AP1M1: variants seen among roughly 807,000 people sequenced by gnomAD.
The protein encoded by AP1M1 is AP-1 complex subunit mu-1.
Under a neutral mutation model 57.1 loss-of-function variants are expected in AP1M1, and 18 were observed. That is an observed-to-expected ratio of 0.32 (90% CI 0.22 to 0.47). The LOEUF (loss-of-function observed/expected upper bound fraction) is 0.47, where lower values mean the gene tolerates loss of function less well. AP1M1 is among the 20% of genes least tolerant of loss of function. The pLI is 1.00. For synonymous variants in AP1M1, 241 were observed against 237.9 expected (o/e 1.01, Z -0.12); for missense variants, 362 against 593.5 (o/e 0.61, Z 4.05).
chr19:16,229,677 T>C (rs917826275), intron 9 of AP1M1, among the ~76,000 whole-genome samples: 1 of 152,230 alleles, frequency 6.6e-6, no homozygotes, highest in Non-Finnish European at 1.5e-5. Context: ...ATGATGGTAC[T>C]TTCCCTCCCA....
rs2091625412 is a variant in AP1M1, at chr19:16,236,508, ACTTTGGG to A, written c.*2075_*2081del. 1 of 152,172 alleles carries A rather than the reference ACTTTGGG, an allele frequency of 6.6e-6. No individual in the cohort carries two copies. Among genetic ancestry groups the A allele is most frequent in the African/African-American group, 2.4e-5 (1 of 41,430 alleles). The allele number at this position is 152,172 out of a possible 1,614,324, so 9.4% of individuals were successfully genotyped here. Reference sequence around the variant, plus strand: ...GTTTGGGGGCCAGGTGGCAGATAGGACTTTGGGCATCGGGAAGATGGTGAAATGCAGT... The same window carrying A: ...GTTTGGGGGCCAGGTGGCAGATAGGACATCGGGAAGATGGTGAAATGCAGT... On this transcript the variant is annotated 3_prime_UTR_variant, in exon 12 of 12. Coordinates refer to ENST00000291439, the MANE Select transcript of AP1M1 (RefSeq NM_032493.4).
At chr19:16,232,143 T>C (rs575593885) in intron 9 of AP1M1, among the ~76,000 whole-genome samples, 1 of 152,364 alleles carries the variant, frequency 6.6e-6, no homozygotes, top group South Asian at 2.1e-4. Context: ...GCCTCTAGGA[T>C]TGTGGCCTGT....
Position 16,242,538 on chromosome 19 carries a change from A to G in AP1M1, c.*8103A>G, listed in dbSNP as rs1203060963. 6.6e-6 allele frequency: 1 copy of G among 152,222 alleles called. No homozygotes were observed. Among genetic ancestry groups the G allele is most frequent in the Non-Finnish European group, 1.5e-5 (1 of 68,052 alleles). The allele number at this position is 152,222 out of a possible 1,614,324, so 9.4% of individuals were successfully genotyped here. A position where few individuals can be genotyped will look rare whatever the true frequency, so the allele number is the denominator to read the frequency against. On this transcript the variant is annotated 3_prime_UTR_variant, in exon 12 of 12. Transcript: ENST00000291439. The stretch of plus-strand genomic sequence containing the variant: ...GCTAGTTGAAGATGTTGTCGGATTG[A>G]ACTGAAATACAAAATCCTGTGATAT...
Position 16,228,312 on chromosome 19 carries a change from C to T in AP1M1, c.888+104C>T. ...TGCCGTAGGGCTGCCATCCGTGCAC[C>T]CTCACTGTGGCCTCAGATGCAGGAG... On this transcript the variant is annotated intron_variant, in intron 8 of 11. Coordinates refer to ENST00000291439, the MANE Select transcript of AP1M1 (RefSeq NM_032493.4). This position sits in a 1 kb window ranked among gnomAD's most constrained non-coding sequence, Gnocchi z 5.0. The T allele has an allele frequency of 8.4e-7, 1 of 1,192,598 alleles. No individual in the cohort carries two copies. The highest frequency in any genetic ancestry group is 1.2e-6 in the Non-Finnish European group (1 of 828,596). 73.9% of individuals were successfully genotyped at this position (1,192,598 alleles called of 1,614,324 possible). A position where few individuals can be genotyped will look rare whatever the true frequency, so the allele number is the denominator to read the frequency against.
At chr19:16,211,759 CAAA>C (rs2091495136) in intron 5 of AP1M1, among the ~76,000 whole-genome samples, 1 of 151,600 alleles carries the variant, frequency 6.6e-6, no homozygotes, top group African/African-American at 2.4e-5. Flanking sequence ...CAAAAAAAAA[CAAA>C]AAACAAAACC....
At chr19:16,216,822 C>G (rs1437502925) in intron 5 of AP1M1, among the ~76,000 whole-genome samples, 1 of 152,230 alleles carries the variant, frequency 6.6e-6, no homozygotes, top group African/African-American at 2.4e-5. Context: ...GGCCAAGCTG[C>G]TCCCAGACAG....
At position 16,239,499 on chromosome 19, in the gene AP1M1, G is replaced by A. The variant is rs2091637622; in HGVS notation, c.*5064G>A. ...ATGTAGTCATAGGAATTAACAACTT[G>A]GGGCCGGGCATGGTGGCTCACGCCT... On this transcript the variant is annotated 3_prime_UTR_variant, in exon 12 of 12. Coordinates refer to ENST00000291439, the MANE Select transcript of AP1M1 (RefSeq NM_032493.4). 1.3e-5 allele frequency: 2 copies of A among 151,610 alleles called. No homozygotes were observed. Among genetic ancestry groups the A allele is most frequent in the South Asian group, 4.2e-4 (2 of 4,816 alleles). 9.4% of individuals were successfully genotyped at this position (151,610 alleles called of 1,614,324 possible).
chr19:16,210,711 C>T (rs1365533278), intron 5 of AP1M1, among the ~76,000 whole-genome samples: 2 of 152,100 alleles, frequency 1.3e-5, no homozygotes, highest in South Asian at 2.1e-4. Flanking sequence ...AGGCACCCAC[C>T]ACCAGGCCTG....
chr19:16,203,772 A>G lies in AP1M1; in HGVS notation c.199+157A>G, dbSNP rs1387959733. Among the ~76,000 whole-genome samples, 1 of 152,206 alleles carries G rather than the reference A, an allele frequency of 6.6e-6. No homozygotes were observed. The highest frequency in any genetic ancestry group is 2.4e-5 in the African/African-American group (1 of 41,454). On this transcript the variant is annotated intron_variant, in intron 2 of 11. Coordinates refer to ENST00000291439, the MANE Select transcript of AP1M1 (RefSeq NM_032493.4). This position sits in a 1 kb window ranked among gnomAD's most constrained non-coding sequence, Gnocchi z 4.6. ...CTCCCTGCTGCCTGCGGAGACAGGC[A>G]GACAATGCACGATGACATGTGTGAT...
intron 1 of AP1M1, among the ~76,000 whole-genome samples, chr19:16,198,762 G>A (rs1227230954): frequency 6.6e-6 from 1 of 152,036 alleles, no homozygotes; most frequent in African/African-American, 2.4e-5. Flanking sequence ...GCCGGGCAGG[G>A]TACTAAGCCT....
At chr19:16,217,708 G>T (rs919475630) in intron 5 of AP1M1, among the ~76,000 whole-genome samples, 4 of 152,192 alleles carry the variant, frequency 2.6e-5, no homozygotes, top group Admixed American at 6.5e-5. Context: ...ACCCTGGAGA[G>T]TTCAGGTCTG....
intron 2 of AP1M1, among the ~76,000 whole-genome samples, chr19:16,205,944 T>G (rs1019746636): frequency 2.0e-5 from 3 of 152,180 alleles, no homozygotes; most frequent in African/African-American, 7.2e-5. Context: ...CGGGGGACCC[T>G]GGACCTCAGC....
At chr19:16,201,456 TGGCACAATCTC>T (rs56168753) in intron 1 of AP1M1, among the ~76,000 whole-genome samples, 94,845 of 137,272 alleles carry the variant, frequency 0.69, 34,161 homozygotes, top group Non-Finnish European at 0.8. Context: ...TGGAGTGCAA[TGGCACAATCTC>T]GGCTCACTGC....
intron 5 of AP1M1, among the ~76,000 whole-genome samples, chr19:16,215,708 G>A (rs1001572720): frequency 2.0e-5 from 3 of 151,984 alleles, no homozygotes; most frequent in Non-Finnish European, 4.4e-5. Context: ...TTGAATATTG[G>A]CCTCTCTAGC....
intron 5 of AP1M1, 96 bp from the exon 6 acceptor site, chr19:16,226,325 G>T: frequency 2.1e-6 from 3 of 1,448,530 alleles, no homozygotes; most frequent in Non-Finnish European, 2.8e-6. Context: ...TGAGAAGGGC[G>T]TTGAGAGTGG....
At chr19:16,230,082 C>T (rs528228267) in intron 9 of AP1M1, among the ~76,000 whole-genome samples, 31 of 152,254 alleles carry the variant, frequency 2.0e-4, no homozygotes, top group South Asian at 6.2e-4. Context: ...GAGCTGTAGA[C>T]GGGGGAGGAA....
At position 16,209,225 on chromosome 19, in the gene AP1M1, G is replaced by A. The variant is rs1378312216; in HGVS notation, c.546+48G>A. On this transcript the variant is annotated intron_variant, in intron 5 of 11. Transcript: ENST00000291439. Reference sequence around the variant, plus strand: ...TTCTGTAGGGTTTTATCTCTTCCACGATAGAAATAAACACAGCATTTTAAA... The same window carrying A: ...TTCTGTAGGGTTTTATCTCTTCCACAATAGAAATAAACACAGCATTTTAAA... The A allele has an allele frequency of 1.1e-5, 18 of 1,599,382 alleles. 1 individual carries two copies. The highest frequency in any genetic ancestry group is 9.4e-5 in the African/African-American group (7 of 74,232).
In AP1M1 at chr19:16,206,551, G is replaced by A; in HGVS notation, c.267+143G>A. On this transcript the variant is annotated intron_variant, in intron 3 of 11. Coordinates refer to ENST00000291439, the MANE Select transcript of AP1M1 (RefSeq NM_032493.4). This position sits in a 1 kb window ranked among gnomAD's most constrained non-coding sequence, Gnocchi z 4.3. ...GCTGGAAGCCCAGGAAGTGGGAAAG[G>A]GGAGTCCCAACTCCCCACGCCTGTG... 1 of 833,736 alleles carries A rather than the reference G, an allele frequency of 1.2e-6. No individual in the cohort carries two copies. The highest frequency in any genetic ancestry group is 2.0e-6 in the Non-Finnish European group (1 of 511,672). The allele number at this position is 833,736 out of a possible 1,614,324, so 51.6% of individuals were successfully genotyped here.
chr19:16,208,576 C>T (rs887260263), intron 4 of AP1M1, among the ~76,000 whole-genome samples: 1 of 152,142 alleles, frequency 6.6e-6, no homozygotes, highest in African/African-American at 2.4e-5. Flanking sequence ...CCCCGTATAC[C>T]GTCTCCCCAT....
Sources: allele counts gnomAD v4.1 joint callset (sites outside exome capture counted in the v4.1 genomes callset), GRCh38; gene constraint gnomAD v4.1.1; non-coding constraint Gnocchi (gnomAD v3.1); transcripts MANE v1.5; gene names NCBI Gene and HGNC (gene_info 2026-07-23, HGNC 2026-07-21).